RNF185: variants seen among roughly 807,000 people sequenced by gnomAD.
RNF185 encodes ring finger protein 185.
A neutral mutation model predicts 24.9 loss-of-function variants in RNF185; 13 were observed. The ratio of observed to expected loss-of-function variants is 0.52; its 90% CI spans 0.34 to 0.83. The LOEUF (loss-of-function observed/expected upper bound fraction) is 0.83. Ranked by LOEUF, RNF185 falls within the 40% of genes least tolerant of loss-of-function variation. The pLI is 0.01. For synonymous variants in RNF185, 79 were observed against 90.3 expected, an observed-to-expected ratio of 0.88 and a Z score of 0.71; for missense variants, 184 against 244.7, an observed-to-expected ratio of 0.75 and a Z score of 1.65.
chr22:31,162,232 C>T (rs533992342), intron 1 of RNF185, among the ~76,000 whole-genome samples: 6 of 152,230 alleles, frequency 3.9e-5, no homozygotes, highest in Admixed American at 2.0e-4. Context: ...AAACTTCCTG[C>T]CAGTTATCGA....
chr22:31,173,887 C>T (rs2047956179), intron 1 of RNF185, among the ~76,000 whole-genome samples: 1 of 152,174 alleles, frequency 6.6e-6, no homozygotes, highest in African/African-American at 2.4e-5. Flanking sequence ...TCTGATGTCT[C>T]ATCTACTCTG....
At chr22:31,188,957 A>T (rs988791794) in intron 2 of RNF185, among the ~76,000 whole-genome samples, 2 of 143,986 alleles carry the variant, frequency 1.4e-5, no homozygotes, top group African/African-American at 5.1e-5. Flanking sequence ...GTTTCTACTA[A>T]AAAAAAAAAA....
chr22:31,179,664 G>C (rs1283935853), intron 1 of RNF185, among the ~76,000 whole-genome samples: 1 of 152,206 alleles, frequency 6.6e-6, no homozygotes, highest in Admixed American at 6.5e-5. Flanking sequence ...CTGTCTCAGT[G>C]CCTGGCCTGG....
At chr22:31,161,229 G>A (rs12159030) in intron 1 of RNF185, among the ~76,000 whole-genome samples, 35 of 152,306 alleles carry the variant, frequency 2.3e-4, no homozygotes, top group African/African-American at 7.9e-4. Flanking sequence ...GACCACCGAT[G>A]GAGTGAATGG....
chr22:31,171,822 G>A (rs2047933145), intron 1 of RNF185, among the ~76,000 whole-genome samples: 1 of 151,806 alleles, frequency 6.6e-6, no homozygotes. Flanking sequence ...TACAAAATTA[G>A]CCAGGTGTGG....
At chr22:31,170,403 A>G (rs543692996) in intron 1 of RNF185, among the ~76,000 whole-genome samples, 2 of 152,092 alleles carry the variant, frequency 1.3e-5, no homozygotes, top group South Asian at 4.2e-4. Flanking sequence ...TGTTAGCCAG[A>G]TGGTCTCGAT....
chr22:31,197,692 TGCA>T (rs2048219685), intron 5 of RNF185, among the ~76,000 whole-genome samples: 1 of 152,144 alleles, frequency 6.6e-6, no homozygotes, highest in South Asian at 2.1e-4. Flanking sequence ...GGACCACAGG[TGCA>T]CGGCACCATG....
chr22:31,204,585 A>T lies in RNF185; in HGVS notation c.578A>T (p.Ter193LeuextTer15). Reference protein sequence around the residue: ...LVIMFWLLIA* With the variant: ...LVIMFWLLIAL Reference sequence around the variant, plus strand: ...ATCATGTTCTGGCTCCTGATTGCCTAATGCTGGGCTCCTGCCTACATCCGT... The same window carrying T: ...ATCATGTTCTGGCTCCTGATTGCCTTATGCTGGGCTCCTGCCTACATCCGT... Residue 193 changes from the stop codon to leucine (L), a stop_lost, in exon 7 of 7, where the codon TAA (stop) becomes TTA (leucine). Coordinates refer to ENST00000326132, the MANE Select transcript of RNF185 (RefSeq NM_152267.4). 1 of 1,560,126 alleles carries T rather than the reference A, an allele frequency of 6.4e-7. No individual in the cohort carries two copies. Among genetic ancestry groups the T allele is most frequent in the Non-Finnish European group, 8.8e-7 (1 of 1,131,948 alleles).
At chr22:31,204,022 CAA>C (rs2048289712) in intron 6 of RNF185, among the ~76,000 whole-genome samples, 2 of 131,354 alleles carry the variant, frequency 1.5e-5, no homozygotes, top group Non-Finnish European at 3.2e-5. Context: ...GCCTGGGCAA[CAA>C]GAGCAAAACT....
intron 6 of RNF185, among the ~76,000 whole-genome samples, chr22:31,203,206 A>G (rs550895123): frequency 2.6e-5 from 4 of 151,182 alleles, no homozygotes; most frequent in Non-Finnish European, 4.4e-5. Context: ...CAATTTGCCC[A>G]TCCTGGACAC....
chr22:31,190,317 C>T (rs1309347159), intron 2 of RNF185, among the ~76,000 whole-genome samples: 1 of 151,968 alleles, frequency 6.6e-6, no homozygotes, highest in African/African-American at 2.4e-5. Flanking sequence ...TGAGGAGTCT[C>T]ACTCTGTTGC....
At chr22:31,189,341 A>T (rs1006752370) in intron 2 of RNF185, among the ~76,000 whole-genome samples, 5 of 106,300 alleles carry the variant, frequency 4.7e-5, no homozygotes, top group Admixed American at 1.6e-4. Context: ...CCCAGGCTGG[A>T]GTACAGTGGT....
intron 1 of RNF185, among the ~76,000 whole-genome samples, chr22:31,183,993 G>C (rs1378380885): frequency 6.7e-6 from 1 of 149,064 alleles, no homozygotes; most frequent in East Asian, 2.0e-4. Context: ...CTCCCGGACG[G>C]GGCAGCTGGC....
In RNF185 at chr22:31,206,457, C is replaced by T. The variant is rs2048315416; in HGVS notation, c.*1871C>T. The T allele has an allele frequency of 6.6e-6, 1 of 152,158 alleles. No homozygotes were observed. Among genetic ancestry groups the T allele is most frequent in the African/African-American group, 2.4e-5 (1 of 41,402 alleles). 9.4% of individuals were successfully genotyped at this position (152,158 alleles called of 1,614,324 possible). Reference sequence around the variant, plus strand: ...TCTTCTCTAGAGAGAATTGGTGGGACCCCCCTCAGTGCAGTGGCCCCAACT... The same window carrying T: ...TCTTCTCTAGAGAGAATTGGTGGGATCCCCCTCAGTGCAGTGGCCCCAACT... On this transcript the variant is annotated 3_prime_UTR_variant, in exon 7 of 7. Coordinates refer to ENST00000326132, the MANE Select transcript of RNF185 (RefSeq NM_152267.4).
chr22:31,162,681 A>C (rs578143995), intron 1 of RNF185, among the ~76,000 whole-genome samples: 1 of 151,084 alleles, frequency 6.6e-6, no homozygotes, highest in African/African-American at 2.4e-5. Context: ...GGATCTGCAT[A>C]CTATATATAG....
At chr22:31,199,754 G>A (rs1195212890) in intron 5 of RNF185, among the ~76,000 whole-genome samples, 2 of 152,156 alleles carry the variant, frequency 1.3e-5, no homozygotes, top group Non-Finnish European at 2.9e-5. Flanking sequence ...TTGTATTGAG[G>A]AGATGGAAAC....
intron 1 of RNF185, among the ~76,000 whole-genome samples, chr22:31,170,862 A>G (rs1247677449): frequency 6.6e-6 from 1 of 151,954 alleles, no homozygotes; most frequent in Non-Finnish European, 1.5e-5. Context: ...AGGTCTTTGT[A>G]TGCTGCCCAG....
intron 2 of RNF185, among the ~76,000 whole-genome samples, chr22:31,191,584 A>G (rs2048155679): frequency 6.6e-6 from 1 of 152,148 alleles, no homozygotes; most frequent in Non-Finnish European, 1.5e-5. Flanking sequence ...TAATCCCAGC[A>G]CTTTGGGAGG....
chr22:31,179,028 G>A (rs1008275923), intron 1 of RNF185, among the ~76,000 whole-genome samples: 13 of 152,188 alleles, frequency 8.5e-5, no homozygotes, highest in African/African-American at 3.1e-4. Context: ...AAAATGGCAT[G>A]AGGATAAAAT....
Sources: allele counts gnomAD v4.1 joint callset (sites outside exome capture counted in the v4.1 genomes callset), GRCh38; gene constraint gnomAD v4.1.1; transcripts MANE v1.5; gene names NCBI Gene and HGNC (gene_info 2026-07-23, HGNC 2026-07-21).